DENND11: variants seen among roughly 807,000 people sequenced by gnomAD.
The protein encoded by DENND11 is DENN domain containing 11.
Under a neutral mutation model 49.2 loss-of-function variants are expected in DENND11, and 34 were observed. The ratio of observed to expected loss-of-function variants is 0.69; its 90% CI spans 0.53 to 0.92. The LOEUF is 0.92. Among genes scored for constraint, DENND11 ranks in the 40% least tolerant of loss-of-function variants. The pLI is 0.00. For missense variants in DENND11, 475 were observed against 581.6 expected (o/e 0.82, Z 1.88); for synonymous variants, 238 against 230.3 (o/e 1.03, Z -0.30).
At chr7:141,670,786 G>A (rs1309882427) in intron 4 of DENND11, among the ~76,000 whole-genome samples, 1 of 152,184 alleles carries the variant, frequency 6.6e-6, no homozygotes, top group Non-Finnish European at 1.5e-5. Flanking sequence ...GACTTACAAT[G>A]TTTTCAACTT....
At position 141,674,163 on chromosome 7, in the gene DENND11, T is replaced by C. The variant is rs1366937443; in HGVS notation, c.585A>G (p.Lys195=). The C allele has an allele frequency of 6.4e-7, 1 of 1,565,360 alleles. No individual in the cohort carries two copies. The change falls in exon 4 of 9, where the codon AAA becomes AAG. Residue 195 remains lysine (K), a synonymous_variant. Transcript: ENST00000536163. ...CGGGACCAGCATGGAGCACCCCCTT[T>C]TTGTCCTCATAGAAGGCAGCCAGAT... The part of the protein sequence containing the change: ...YSHLAAFYED[K]KGVLHAGPGR...
chr7:141,658,632 G>C lies in DENND11; in HGVS notation c.*4024C>G, dbSNP rs1797736417. ...ACTAAGGCAAGTCCACTGCCAAGCT[G>C]AGCATTATCCTATTTTATTCATCCA... On this transcript the variant is annotated 3_prime_UTR_variant, in exon 9 of 9. Transcript: ENST00000536163. 1 of 152,214 alleles carries C rather than the reference G, an allele frequency of 6.6e-6. No individual in the cohort carries two copies. The highest frequency in any genetic ancestry group is 2.1e-4 in the South Asian group (1 of 4,808). The allele number at this position is 152,214 out of a possible 1,614,324, so 9.4% of individuals were successfully genotyped here. A position where few individuals can be genotyped will look rare whatever the true frequency, so the allele number is the denominator to read the frequency against.
intron 1 of DENND11, among the ~76,000 whole-genome samples, chr7:141,690,516 A>G (rs780415840): frequency 7.4e-4 from 112 of 152,320 alleles, no homozygotes; most frequent in Admixed American, 2.4e-3. Context: ...CAGCTCCCAC[A>G]GTTGCATAAA....
At chr7:141,701,299 G>C (rs1798508765) in intron 1 of DENND11, among the ~76,000 whole-genome samples, 1 of 151,604 alleles carries the variant, frequency 6.6e-6, no homozygotes, top group African/African-American at 2.4e-5. Flanking sequence ...AAATAATGCA[G>C]TCAGAGAAAG....
chr7:141,665,178 C>T lies in DENND11; in HGVS notation c.952+9G>A, dbSNP rs371882820. On this transcript the variant is annotated intron_variant, in intron 6 of 8. Transcript: ENST00000536163. ...TGAGGGCAAGATGAGGGGAGGGCCC[C>T]GTACTCACAGGCCACATAGGACACC... 2.9e-5 allele frequency: 47 copies of T among 1,612,480 alleles called. No individual in the cohort carries two copies. The highest frequency in any genetic ancestry group is 3.6e-5 in the Non-Finnish European group (43 of 1,179,334).
At chr7:141,689,693 G>C (rs1172032963) in intron 1 of DENND11, among the ~76,000 whole-genome samples, 1 of 152,192 alleles carries the variant, frequency 6.6e-6, no homozygotes, top group East Asian at 1.9e-4. Context: ...TCAAGAAGCT[G>C]AAAGAACATT....
chr7:141,666,148 A>C (rs1006335782), intron 5 of DENND11, 139 bp downstream of exon 5: 2 of 828,672 alleles, frequency 2.4e-6, no homozygotes, highest in African/African-American at 1.7e-5. Flanking sequence ...GTTCACAGCC[A>C]ATCAGTTCAC....
At chr7:141,672,554 AC>A (rs1797999691) in intron 4 of DENND11, among the ~76,000 whole-genome samples, 1 of 152,082 alleles carries the variant, frequency 6.6e-6, no homozygotes, top group Non-Finnish European at 1.5e-5. Flanking sequence ...GCCAACACCC[AC>A]CTGATCTTAG....
intron 3 of DENND11, 22 bp from the exon 4 acceptor site, chr7:141,674,242 C>A: frequency 6.6e-7 from 1 of 1,517,038 alleles, no homozygotes; most frequent in South Asian, 1.3e-5. Context: ...CACACACACA[C>A]ACACACACAC....
intron 4 of DENND11, among the ~76,000 whole-genome samples, chr7:141,667,820 A>T (rs534706571): frequency 6.6e-6 from 1 of 152,252 alleles, no homozygotes; most frequent in East Asian, 1.9e-4. Flanking sequence ...TTTCCAAGGC[A>T]TCACTCCTGC....
chr7:141,668,551 C>A (rs1797929793), intron 4 of DENND11, among the ~76,000 whole-genome samples: 1 of 152,114 alleles, frequency 6.6e-6, no homozygotes, highest in Non-Finnish European at 1.5e-5. Flanking sequence ...ACACCACTGC[C>A]CTCCAGCCTG....
Position 141,672,808 on chromosome 7 carries a change from C to A in DENND11, c.681+1259G>T, listed in dbSNP as rs551313492. Among the ~76,000 whole-genome samples, 4 of 152,174 alleles carry A rather than the reference C, an allele frequency of 2.6e-5. No homozygotes were observed. The East Asian group carries it at 7.7e-4, about 29-fold the overall frequency. On this transcript the variant is annotated intron_variant, in intron 4 of 8. Transcript: ENST00000536163. Reference sequence around the variant, plus strand: ...ATCTATAATTACTAAATATGGGTTACCTATTCCTTTTTTACTCCTTCAGCC... The same window carrying A: ...ATCTATAATTACTAAATATGGGTTAACTATTCCTTTTTTACTCCTTCAGCC...
At chr7:141,694,545 G>A (rs1242696457) in intron 1 of DENND11, among the ~76,000 whole-genome samples, 2 of 152,140 alleles carry the variant, frequency 1.3e-5, no homozygotes, top group East Asian at 1.9e-4. Flanking sequence ...ACAGGCGTTA[G>A]TATATGTATT....
chr7:141,667,736 C>T (rs926755281), intron 4 of DENND11, among the ~76,000 whole-genome samples: 3 of 152,202 alleles, frequency 2.0e-5, no homozygotes, highest in East Asian at 3.9e-4. Context: ...GCAGCCTCTG[C>T]ACTCTGCCTG....
chr7:141,664,787 T>C (rs1174400376), intron 7 of DENND11, 117 bp downstream of exon 7: 7 of 1,198,796 alleles, frequency 5.8e-6, no homozygotes, highest in Non-Finnish European at 8.0e-6. Flanking sequence ...CCAGGCAGCA[T>C]GGAGACTGGG....
intron 3 of DENND11, among the ~76,000 whole-genome samples, chr7:141,679,355 A>T (rs1798113365): frequency 6.6e-6 from 1 of 152,264 alleles, no homozygotes; most frequent in Admixed American, 6.5e-5. Flanking sequence ...AAAAGTGGTA[A>T]AATATTTTCA....
chr7:141,701,442 G>GGGTGGGGGGC (rs1798514424), intron 1 of DENND11: 1 of 141,168 alleles, frequency 7.1e-6, no homozygotes, highest in Admixed American at 6.9e-5. Flanking sequence ...GCGGGGGACG[G>GGGTGGGGGGC]GATGGGGGGC....
chr7:141,687,104 G>A (rs78240088), intron 1 of DENND11, among the ~76,000 whole-genome samples: 69 of 152,056 alleles, frequency 4.5e-4, no homozygotes, highest in Non-Finnish European at 8.2e-4. Context: ...TCTCATTCTC[G>A]TTTACCTCTA....
chr7:141,700,213 T>C (rs1798485466), intron 1 of DENND11, among the ~76,000 whole-genome samples: 1 of 152,198 alleles, frequency 6.6e-6, no homozygotes, highest in South Asian at 2.1e-4. Context: ...CTAGTTACTC[T>C]GAAATATTTC....
Sources: allele counts gnomAD v4.1 joint callset (sites outside exome capture counted in the v4.1 genomes callset), GRCh38; gene constraint gnomAD v4.1.1; transcripts MANE v1.5; gene names NCBI Gene and HGNC (gene_info 2026-07-23, HGNC 2026-07-21).